KDM4C: variants seen among roughly 807,000 people sequenced by gnomAD.
KDM4C encodes lysine-specific demethylase 4C.
KDM4C carries 81 observed loss-of-function variants against 129.3 expected under a neutral mutation model. The ratio of observed to expected loss-of-function variants is 0.63; its 90% CI spans 0.52 to 0.75. The LOEUF (loss-of-function observed/expected upper bound fraction) is 0.75, where lower values mean the gene tolerates loss of function less well. Ranked by LOEUF, KDM4C falls within the 30% of genes least tolerant of loss-of-function variation. The pLI is 0.00. For missense variants in KDM4C, 1,457 were observed against 1,304.0 expected (o/e 1.12, Z -1.81); for synonymous variants, 573 against 456.1 (o/e 1.26, Z -3.26).
At chr9:6,724,001 G>A (rs138952306) in intron 1 of KDM4C, 33 of 152,300 alleles carry the variant, frequency 2.2e-4, no homozygotes, top group African/African-American at 7.5e-4. Flanking sequence ...AACAGTGATC[G>A]TGGGATGAAT....
At chr9:6,780,439 C>G (rs936829486) in intron 1 of KDM4C, among the ~76,000 whole-genome samples, 4 of 151,658 alleles carry the variant, frequency 2.6e-5, no homozygotes, top group African/African-American at 9.7e-5. Flanking sequence ...TCCTAATTCT[C>G]ATACTGTTAT....
At chr9:6,885,326 C>T (rs914522384) in intron 6 of KDM4C, among the ~76,000 whole-genome samples, 1 of 152,186 alleles carries the variant, frequency 6.6e-6, no homozygotes, top group Admixed American at 6.5e-5. Context: ...CACACATGCT[C>T]ACTTTTACAT....
chr9:6,863,228 C>G (rs777031716), intron 5 of KDM4C, among the ~76,000 whole-genome samples: 1 of 151,792 alleles, frequency 6.6e-6, no homozygotes, highest in Non-Finnish European at 1.5e-5. Context: ...ATATTGCCTG[C>G]TTTTTAGTAG....
chr9:6,734,292 T>TTG (rs1259266121), intron 1 of KDM4C, among the ~76,000 whole-genome samples: 5 of 144,972 alleles, frequency 3.4e-5, no homozygotes, highest in Non-Finnish European at 7.5e-5. Flanking sequence ...TGTTTGGTTT[T>TTG]TTTTTTTTTT....
At chr9:6,997,423 C>T (rs545534752) in intron 12 of KDM4C, among the ~76,000 whole-genome samples, 2 of 152,288 alleles carry the variant, frequency 1.3e-5, no homozygotes, top group Non-Finnish European at 2.9e-5. Context: ...AGCTTGCTTG[C>T]CTGAAACTTA....
At chr9:6,972,888 C>T (rs953112799) in intron 8 of KDM4C, among the ~76,000 whole-genome samples, 8 of 152,086 alleles carry the variant, frequency 5.3e-5, no homozygotes, top group African/African-American at 1.9e-4. Context: ...CACTGAAATC[C>T]ATTGTGTGTT....
chr9:7,154,429 C>G (rs888746717), intron 19 of KDM4C, among the ~76,000 whole-genome samples: 1 of 152,192 alleles, frequency 6.6e-6, no homozygotes, highest in African/African-American at 2.4e-5. Flanking sequence ...ATGGGGCTAC[C>G]TGCTCTGTGG....
At chr9:6,795,728 G>C (rs1827614454) in intron 2 of KDM4C, among the ~76,000 whole-genome samples, 1 of 151,546 alleles carries the variant, frequency 6.6e-6, no homozygotes, top group African/African-American at 2.4e-5. Flanking sequence ...CTGGAGTGCA[G>C]TGGCATGATA....
chr9:6,867,241 C>G (rs1019573674), intron 5 of KDM4C, among the ~76,000 whole-genome samples: 1 of 152,042 alleles, frequency 6.6e-6, no homozygotes, highest in East Asian at 1.9e-4. Flanking sequence ...GTCTTGATCT[C>G]CTGACCTCGT....
At chr9:7,079,113 C>T (rs950817295) in intron 17 of KDM4C, among the ~76,000 whole-genome samples, 2 of 152,170 alleles carry the variant, frequency 1.3e-5, no homozygotes, top group Non-Finnish European at 2.9e-5. Flanking sequence ...TGGCAAGCTT[C>T]CTGAAATTCA....
chr9:7,044,433 G>A (rs1056604628), intron 15 of KDM4C, among the ~76,000 whole-genome samples: 2 of 151,872 alleles, frequency 1.3e-5, no homozygotes, highest in African/African-American at 4.8e-5. Flanking sequence ...GTAGCTCTGG[G>A]TGGCTATTGC....
chr9:7,015,769 T>TACTGTCTGCAATA, intron 14 of KDM4C, 84 bp from the exon 15 acceptor site: 1 of 912,670 alleles, frequency 1.1e-6, no homozygotes, highest in Admixed American at 1.9e-5. Flanking sequence ...TAGTGTCCCA[T>TACTGTCTGCAATA]TTTTATTTAT....
intron 18 of KDM4C, among the ~76,000 whole-genome samples, chr9:7,115,654 G>T (rs1838816606): frequency 6.6e-6 from 1 of 152,162 alleles, no homozygotes; most frequent in South Asian, 2.1e-4. Context: ...CAATAGAAAA[G>T]GCAATTAAAT....
intron 15 of KDM4C, among the ~76,000 whole-genome samples, chr9:7,021,132 G>A (rs900831077): frequency 4.4e-5 from 5 of 114,408 alleles, no homozygotes; most frequent in African/African-American, 1.3e-4. Context: ...GTGTGTGTGT[G>A]TGTGTGTGTA....
chr9:7,173,619 G>T (rs1286219568), intron 21 of KDM4C, among the ~76,000 whole-genome samples: 1 of 152,198 alleles, frequency 6.6e-6, no homozygotes, highest in Non-Finnish European at 1.5e-5. Flanking sequence ...AGGCTGAAGG[G>T]CTTCAAGGTA....
At chr9:6,792,631 C>T (rs1826895264) in intron 1 of KDM4C, among the ~76,000 whole-genome samples, 1 of 152,090 alleles carries the variant, frequency 6.6e-6, no homozygotes. Flanking sequence ...TTGTGATCTG[C>T]CCGTCTTGGC....
intron 17 of KDM4C, among the ~76,000 whole-genome samples, chr9:7,063,708 G>A (rs750908390): frequency 4.6e-5 from 7 of 152,148 alleles, no homozygotes; most frequent in Non-Finnish European, 8.8e-5. Flanking sequence ...CTAGATTTGG[G>A]CATGAGACTT....
intron 18 of KDM4C, among the ~76,000 whole-genome samples, chr9:7,104,576 A>C (rs1433324748): frequency 2.6e-5 from 4 of 150,958 alleles, no homozygotes; most frequent in African/African-American, 9.7e-5. Context: ...TGTCAAATGA[A>C]ATCTTTCCTG....
chr9:7,044,203 AG>A (rs1829039702), intron 15 of KDM4C, among the ~76,000 whole-genome samples: 1 of 151,992 alleles, frequency 6.6e-6, no homozygotes, highest in Non-Finnish European at 1.5e-5. Flanking sequence ...TGTTTGAGGG[AG>A]TAACATTTAG....
Sources: gnomAD v4.1 joint callset for allele counts (sites outside exome capture counted in the v4.1 genomes callset) on GRCh38, gnomAD v4.1.1 for gene constraint, MANE v1.5 for transcripts, NCBI Gene and HGNC (gene_info 2026-07-23, HGNC 2026-07-21) for gene names.